Variants in UST observed in about 807,000 individuals in gnomAD.
UST encodes uronyl 2-sulfotransferase.
UST carries 21 observed loss-of-function variants against 45.6 expected under a neutral mutation model. That is an observed-to-expected ratio of 0.46 (90% CI 0.33 to 0.66). The LOEUF is 0.66. Ranked by LOEUF, UST falls within the 30% of genes least tolerant of loss-of-function variation. The probability of loss-of-function intolerance (pLI) is 0.02; values close to 1 mark genes in which losing one functional copy is unlikely to be tolerated. For missense variants in UST, 463 were observed against 512.4 expected (o/e 0.90, Z 0.93); for synonymous variants, 215 against 200.6 (o/e 1.07, Z -0.61).
At chr6:148,835,876 G>A (rs961195038) in intron 1 of UST, among the ~76,000 whole-genome samples, 10 of 152,148 alleles carry the variant, frequency 6.6e-5, no homozygotes, top group African/African-American at 1.7e-4. Context: ...AAAAAGGGAT[G>A]TTAGAAACTT....
intron 1 of UST, among the ~76,000 whole-genome samples, chr6:148,771,336 C>T (rs990242009): frequency 1.2e-4 from 18 of 152,180 alleles, no homozygotes; most frequent in Admixed American, 5.9e-4. Context: ...TACCTAAAGT[C>T]GCATAGGCTG....
chr6:148,747,867 C>A (rs557383082), intron 1 of UST, among the ~76,000 whole-genome samples, 190 bp downstream of exon 1: 2 of 152,284 alleles, frequency 1.3e-5, no homozygotes, highest in Non-Finnish European at 2.9e-5. Flanking sequence ...GTCCGACTGT[C>A]CTCACCGAGG....
intron 5 of UST, among the ~76,000 whole-genome samples, chr6:148,976,692 T>A (rs1436110154): frequency 6.6e-6 from 1 of 152,228 alleles, no homozygotes; most frequent in Non-Finnish European, 1.5e-5. Context: ...GTATTTTCCT[T>A]TCTCATCTTA....
chr6:149,005,253 G>C (rs1207600706), intron 5 of UST: 1 of 979,922 alleles, frequency 1.0e-6, no homozygotes. Flanking sequence ...TGTGTATGTT[G>C]ACGTTTCCTT....
At chr6:148,967,276 C>G (rs1443314890) in intron 5 of UST, among the ~76,000 whole-genome samples, 5 of 151,834 alleles carry the variant, frequency 3.3e-5, no homozygotes, top group African/African-American at 1.2e-4. Context: ...TGGCAAGGCC[C>G]CAGCAGGAAA....
Position 148,934,876 on chromosome 6 carries a change from A to G in UST, c.292-6403A>G, listed in dbSNP as rs76917048. On this transcript the variant is annotated intron_variant, in intron 2 of 7. Coordinates refer to ENST00000367463, the MANE Select transcript of UST (RefSeq NM_005715.3). The surrounding 1 kb of genome is among the most constrained non-coding windows in gnomAD (Gnocchi z 4.1). ...AGTTCTGTGAGGAATTTGAATATAC[A>G]GTTATTTGCGAACCACAGCTTGTAC... Among the ~76,000 whole-genome samples, 2,459 of 152,312 alleles carry G rather than the reference A, an allele frequency of 0.016. 58 individuals are homozygous for G. Among genetic ancestry groups the G allele is most frequent in the African/African-American group, 0.055 (2,303 of 41,556 alleles).
rs143353450 is a variant in UST at position 148,804,250 on chromosome 6, G to T, written c.247+56573G>T. Among the ~76,000 whole-genome samples the T allele has an allele frequency of 2.6e-3, 396 of 152,270 alleles. 5 individuals are homozygous for T. Among genetic ancestry groups the T allele is most frequent in the African/African-American group, 9.0e-3 (376 of 41,550 alleles). The stretch of plus-strand genomic sequence containing the variant: ...GCTCTCATCTCAGAGATAGAGAGAG[G>T]GAAATGGTCCTTCTCTTCACATTCG... On this transcript the variant is annotated intron_variant, in intron 1 of 7. Transcript: ENST00000367463.
At chr6:148,854,009 C>T (rs1349152888) in intron 1 of UST, among the ~76,000 whole-genome samples, 2 of 152,152 alleles carry the variant, frequency 1.3e-5, no homozygotes, top group Non-Finnish European at 2.9e-5. Flanking sequence ...TTCTTTCTTC[C>T]CTAACAGATA....
rs1363580523 is a variant in UST at position 149,075,380 on chromosome 6, A to G, written c.*1264A>G. On this transcript the variant is annotated 3_prime_UTR_variant, in exon 8 of 8. Transcript: ENST00000367463. ...AGAACTACCTGAGTTCTGTGCAGGT[A>G]GAGTCCCATTTCTTATGGGACCTGT... 2.0e-5 allele frequency: 3 copies of G among 152,144 alleles called. No individual in the cohort carries two copies. The highest frequency in any genetic ancestry group is 6.5e-5 in the Admixed American group (1 of 15,272). 9.4% of individuals were successfully genotyped at this position (152,144 alleles called of 1,614,324 possible). A position where few individuals can be genotyped will look rare whatever the true frequency, so the allele number is the denominator to read the frequency against.
chr6:148,818,548 T>G (rs1777397593), intron 1 of UST, among the ~76,000 whole-genome samples: 1 of 152,194 alleles, frequency 6.6e-6, no homozygotes, highest in South Asian at 2.1e-4. Context: ...CCAGTGTGGG[T>G]GGCCAACAAA....
chr6:148,770,672 G>T (rs919858658), intron 1 of UST, among the ~76,000 whole-genome samples: 5 of 152,188 alleles, frequency 3.3e-5, no homozygotes, highest in African/African-American at 4.8e-5. Context: ...GTGCTTTACA[G>T]TTTATAAAGT....
intron 1 of UST, among the ~76,000 whole-genome samples, chr6:148,806,633 C>G (rs1777153950): frequency 6.6e-6 from 1 of 152,142 alleles, no homozygotes; most frequent in Non-Finnish European, 1.5e-5. Context: ...GCCATCGCAC[C>G]CGGCCCCCTA....
intron 2 of UST, among the ~76,000 whole-genome samples, chr6:148,895,460 A>G (rs1347192272): frequency 2.0e-5 from 3 of 152,140 alleles, no homozygotes; most frequent in Non-Finnish European, 4.4e-5. Flanking sequence ...CTCTCAAACA[A>G]TGTGCCCCTA....
chr6:148,933,231 A>T (rs761037484), intron 2 of UST, among the ~76,000 whole-genome samples: 91 of 152,222 alleles, frequency 6.0e-4, no homozygotes, highest in Non-Finnish European at 1.0e-3. Flanking sequence ...ATAATAATAA[A>T]TATGACAGCA....
intron 7 of UST, among the ~76,000 whole-genome samples, chr6:149,071,806 A>C (rs9322166): frequency 0.58 from 87,793 of 151,804 alleles, 25,673 homozygotes; most frequent in Non-Finnish European, 0.62. Context: ...ACAAAAAAAA[A>C]CCCCACTTCA....
At chr6:148,826,432 G>GT (rs11372887) in intron 1 of UST, among the ~76,000 whole-genome samples, 53,954 of 148,818 alleles carry the variant, frequency 0.36, 9,827 homozygotes, top group African/African-American at 0.45. Flanking sequence ...TATTCATCAT[G>GT]TTTTTTTTTT....
At position 149,075,068 on chromosome 6, in the gene UST, A is replaced by G. The variant is rs1776871993; in HGVS notation, c.*952A>G. ...CAGATAAATCTGAAGGTCATGTGGCATCAGGGAAAGGGCATGGCTGTGTCT... is the reference window on the plus strand; with the variant it reads ...CAGATAAATCTGAAGGTCATGTGGCGTCAGGGAAAGGGCATGGCTGTGTCT... On this transcript the variant is annotated 3_prime_UTR_variant, in exon 8 of 8. Transcript: ENST00000367463. 1 of 152,252 alleles carries G rather than the reference A, an allele frequency of 6.6e-6. No homozygotes were observed. The highest frequency in any genetic ancestry group is 1.5e-5 in the Non-Finnish European group (1 of 68,068). 9.4% of individuals were successfully genotyped at this position (152,252 alleles called of 1,614,324 possible).
At chr6:148,793,873 C>A (rs1776898746) in intron 1 of UST, among the ~76,000 whole-genome samples, 1 of 152,160 alleles carries the variant, frequency 6.6e-6, no homozygotes, top group Non-Finnish European at 1.5e-5. Context: ...TACCACCTTC[C>A]ATTTTACTGT....
chr6:148,895,307 A>G (rs1779105556), intron 2 of UST, among the ~76,000 whole-genome samples: 1 of 152,178 alleles, frequency 6.6e-6, no homozygotes, highest in Non-Finnish European at 1.5e-5. Flanking sequence ...CACAAAAAAC[A>G]TATTATATTA....
Sources: allele counts gnomAD v4.1 joint callset (sites outside exome capture counted in the v4.1 genomes callset), GRCh38; gene constraint gnomAD v4.1.1; non-coding constraint Gnocchi (gnomAD v3.1); transcripts MANE v1.5; gene names NCBI Gene and HGNC (gene_info 2026-07-23, HGNC 2026-07-21).